NPY1R: variants seen among roughly 807,000 people sequenced by gnomAD.
The protein encoded by NPY1R is neuropeptide Y receptor type 1.
A neutral mutation model predicts 24.1 loss-of-function variants in NPY1R; 10 were observed. The ratio of observed to expected loss-of-function variants is 0.42; its 90% CI spans 0.26 to 0.71. The LOEUF (loss-of-function observed/expected upper bound fraction) is 0.71, where lower values mean the gene tolerates loss of function less well. Ranked by LOEUF, NPY1R falls within the 30% of genes least tolerant of loss-of-function variation. The pLI is 0.28. For synonymous variants in NPY1R, 168 were observed against 165.9 expected (o/e 1.01, Z -0.10); for missense variants, 350 against 458.0 (o/e 0.76, Z 2.15).
chr4:163,327,272 A>T (rs1734628318), intron 1 of NPY1R, among the ~76,000 whole-genome samples: 1 of 152,216 alleles, frequency 6.6e-6, no homozygotes, highest in Non-Finnish European at 1.5e-5. Flanking sequence ...GCCATGAATG[A>T]CTATTGAGAG....
At chr4:163,342,987 CA>C (rs1735039131) in intron 1 of NPY1R, among the ~76,000 whole-genome samples, 1 of 13,748 alleles carries the variant, frequency 7.3e-5, no homozygotes, top group African/African-American at 1.3e-4. Context: ...CACAGACACA[CA>C]CACACACACA....
intron 1 of NPY1R, among the ~76,000 whole-genome samples, chr4:163,340,309 C>CATAT (rs142056779): frequency 2.2e-4 from 32 of 147,596 alleles, no homozygotes; most frequent in South Asian, 6.4e-4. Flanking sequence ...TCTTCTTGTA[C>CATAT]ATATATATAT....
chr4:163,337,170 G>A (rs1483340757), upstream of NPY1R, among the ~76,000 whole-genome samples: 1 of 152,114 alleles, frequency 6.6e-6, no homozygotes, highest in East Asian at 1.9e-4. Flanking sequence ...ACACATCTAA[G>A]GATGGTCAAT....
intron 1 of NPY1R, chr4:163,344,005 G>A (rs1735092300): frequency 6.6e-6 from 1 of 152,614 alleles, no homozygotes; most frequent in African/African-American, 2.4e-5. Context: ...CCCGAGGTAC[G>A]GGCTCCCGCC....
intron 1 of NPY1R, among the ~76,000 whole-genome samples, chr4:163,328,893 A>G (rs1384169073): frequency 6.6e-6 from 1 of 152,186 alleles, no homozygotes; most frequent in Non-Finnish European, 1.5e-5. Flanking sequence ...GGCATTGTGC[A>G]TACTTCATAG....
rs1734616326 is a variant in NPY1R, at chr4:163,326,635, T to C, written c.-81A>G. 3.6e-6 allele frequency: 3 copies of C among 836,514 alleles called. No homozygotes were observed. The highest frequency in any genetic ancestry group is 5.1e-5 in the East Asian group (2 of 39,480). 51.8% of individuals were successfully genotyped at this position (836,514 alleles called of 1,614,324 possible). ...CAAAGCAGGTCAACTGTTCAGCTTA[T>C]TCTTATTCCCCATATTGGAATCCAT... On this transcript the variant is annotated 5_prime_UTR_variant, in exon 2 of 3. Transcript: ENST00000296533.
At chr4:163,341,963 CA>C (rs60183900) in intron 1 of NPY1R, among the ~76,000 whole-genome samples, 91,737 of 151,992 alleles carry the variant, frequency 0.6, 30,805 homozygotes, top group Non-Finnish European at 0.75. Context: ...ATAATTTCCT[CA>C]AAAAAACTCT....
At chr4:163,329,185 A>C (rs1443252241) in intron 1 of NPY1R, among the ~76,000 whole-genome samples, 1 of 152,252 alleles carries the variant, frequency 6.6e-6, no homozygotes, top group African/African-American at 2.4e-5. Flanking sequence ...GCATGGTTTT[A>C]CTGGAGATAA....
intron 1 of NPY1R, among the ~76,000 whole-genome samples, chr4:163,331,991 AC>A (rs918148954): frequency 2.7e-4 from 41 of 152,178 alleles, no homozygotes; most frequent in Admixed American, 2.6e-3. Context: ...CTGCCGCGGG[AC>A]CCGTGCGACG....
In NPY1R at chr4:163,328,052, C is replaced by G. The variant is rs1344984316; in HGVS notation, c.-151-1347G>C. Among the ~76,000 whole-genome samples, 4 of 150,674 alleles carry G rather than the reference C, an allele frequency of 2.7e-5. No homozygotes were observed. In the South Asian group the frequency reaches 8.4e-4, roughly 32 times the overall value. ...CCTTTTACTTAATGCCTCTAATAAACCTTTCCTTTAATTTTTGTGCTTTCT... is the reference window on the plus strand; with the variant it reads ...CCTTTTACTTAATGCCTCTAATAAAGCTTTCCTTTAATTTTTGTGCTTTCT... On this transcript the variant is annotated intron_variant, in intron 1 of 2. Transcript: ENST00000296533.
intron 1 of NPY1R, among the ~76,000 whole-genome samples, chr4:163,329,592 C>T (rs976966979): frequency 2.0e-5 from 3 of 150,636 alleles, no homozygotes; most frequent in African/African-American, 4.9e-5. Flanking sequence ...CAGAGCAAGA[C>T]TCCGTCTCAA....
At position 163,325,179 on chromosome 4, in the gene NPY1R, A is replaced by C. The variant is rs1734573260; in HGVS notation, c.*124T>G. 6 of 710,448 alleles carry C rather than the reference A, an allele frequency of 8.4e-6. No individual in the cohort carries two copies. The highest frequency in any genetic ancestry group is 1.2e-5 in the Non-Finnish European group (5 of 429,254). 44.0% of individuals were successfully genotyped at this position (710,448 alleles called of 1,614,324 possible). The stretch of plus-strand genomic sequence containing the variant: ...CAAAAGCAGTAAAAAGCAAGACAAG[A>C]AAATCTTAGTCATTTTCAAATGATT... On this transcript the variant is annotated 3_prime_UTR_variant, in exon 3 of 3. Transcript: ENST00000296533.
At chr4:163,343,466 T>C (rs1039138713) in intron 1 of NPY1R, among the ~76,000 whole-genome samples, 19 of 152,006 alleles carry the variant, frequency 1.2e-4, no homozygotes, top group Non-Finnish European at 2.2e-4. Flanking sequence ...TCTTTTTTCT[T>C]TCTTTCTTTC....
chr4:163,328,082 C>T (rs889825698), intron 1 of NPY1R, among the ~76,000 whole-genome samples: 1 of 70,728 alleles, frequency 1.4e-5, no homozygotes, highest in Non-Finnish European at 3.3e-5. Flanking sequence ...CTTTCTAGAA[C>T]ATGAGTTTTT....
In NPY1R at chr4:163,324,523, A is replaced by T. The variant is rs765491268; in HGVS notation, c.*780T>A. On this transcript the variant is annotated 3_prime_UTR_variant, in exon 3 of 3. Coordinates refer to ENST00000296533, the MANE Select transcript of NPY1R (RefSeq NM_000909.6). ...TAAATATAATTTAACTATTTGCAGC[A>T]ATACTAATTTACTTTATTAAATTAA... is the stretch of plus-strand genomic sequence containing the variant. 1.3e-5 allele frequency: 2 copies of T among 152,192 alleles called. No homozygotes were observed. The highest frequency in any genetic ancestry group is 4.8e-5 in the African/African-American group (2 of 41,452). 9.4% of individuals were successfully genotyped at this position (152,192 alleles called of 1,614,324 possible). A position where few individuals can be genotyped will look rare whatever the true frequency, so the allele number is the denominator to read the frequency against.
At position 163,325,376 on chromosome 4, in the gene NPY1R, T is replaced by G. The variant is rs1412034522; in HGVS notation, c.1082A>C (p.Lys361Thr). Residue 361 changes from lysine to threonine, a missense_variant, in exon 3 of 3, where the codon AAA becomes ACA. Coordinates refer to ENST00000296533, the MANE Select transcript of NPY1R (RefSeq NM_000909.6). The part of the protein sequence containing the change: ...AMSTMHTDVS[K>T]TSLKQASPVA... The stretch of plus-strand genomic sequence containing the variant: ...TGGGCTTGCTTGCTTCAAAGAAGTT[T>G]TGGAAACATCTGTGTGCATCGTGGA... The G allele has an allele frequency of 6.2e-7, 1 of 1,614,114 alleles. No individual in the cohort carries two copies.
intron 1 of NPY1R, among the ~76,000 whole-genome samples, chr4:163,331,663 C>T (rs1320259875): frequency 6.6e-6 from 1 of 152,166 alleles, no homozygotes; most frequent in Admixed American, 6.5e-5. Flanking sequence ...ACATTCTTAT[C>T]TCTCCAGTCT....
upstream of NPY1R, among the ~76,000 whole-genome samples, chr4:163,335,606 C>G (rs918696247): frequency 6.6e-6 from 1 of 151,944 alleles, no homozygotes; most frequent in Non-Finnish European, 1.5e-5. Flanking sequence ...TAATACTACA[C>G]GAGAAAACTG....
At chr4:163,339,763 C>T (rs1437171503) in intron 1 of NPY1R, among the ~76,000 whole-genome samples, 1 of 152,144 alleles carries the variant, frequency 6.6e-6, no homozygotes, top group East Asian at 1.9e-4. Flanking sequence ...TGATGATCTG[C>T]CTCATATTTT....
Sources: allele counts gnomAD v4.1 joint callset (sites outside exome capture counted in the v4.1 genomes callset), GRCh38; gene constraint gnomAD v4.1.1; transcripts MANE v1.5; gene names NCBI Gene and HGNC (gene_info 2026-07-23, HGNC 2026-07-21).